P2RY14: variants seen among roughly 807,000 people sequenced by gnomAD.
The protein encoded by P2RY14 is purinergic receptor P2Y14.
A neutral mutation model predicts 0.9 loss-of-function variants in P2RY14; 2 were observed. That is an observed-to-expected ratio of 2.16 (90% CI 0.88 to 6.79). The LOEUF (loss-of-function observed/expected upper bound fraction) is 6.79, where lower values mean the gene tolerates loss of function less well. Among genes scored for constraint, P2RY14 ranks in the 30% most tolerant of loss-of-function variants. The probability of loss-of-function intolerance (pLI) is 0.05; values close to 1 mark genes in which losing one functional copy is unlikely to be tolerated. For synonymous variants in P2RY14, 158 were observed against 147.2 expected, an observed-to-expected ratio of 1.07 and a Z score of -0.53; for missense variants, 378 against 400.1, an observed-to-expected ratio of 0.94 and a Z score of 0.47.
At chr3:151,232,851 C>CA (rs1299636019) in intron 1 of P2RY14, among the ~76,000 whole-genome samples, 2 of 152,036 alleles carry the variant, frequency 1.3e-5, no homozygotes, top group Non-Finnish European at 2.9e-5. Flanking sequence ...TAGTACCTGA[C>CA]AAAAAAATCT....
intron 1 of P2RY14, among the ~76,000 whole-genome samples, chr3:151,271,362 T>C (rs757502417): frequency 6.6e-6 from 1 of 152,196 alleles, no homozygotes; most frequent in Non-Finnish European, 1.5e-5. Flanking sequence ...ATGTTAAGAA[T>C]TGACGAGGAA....
At chr3:151,266,373 T>C (rs546224953) in intron 1 of P2RY14, among the ~76,000 whole-genome samples, 1 of 152,352 alleles carries the variant, frequency 6.6e-6, no homozygotes, top group East Asian at 1.9e-4. Context: ...GAAGAGACTT[T>C]TAGGATCACA....
chr3:151,219,888 A>G (rs1383133835), intron 1 of P2RY14, among the ~76,000 whole-genome samples: 1 of 50,960 alleles, frequency 2.0e-5, no homozygotes, highest in African/African-American at 8.8e-5. Flanking sequence ...ATTGGTTTAT[A>G]TTACCCCCCC....
chr3:151,223,844 AAAAAG>A (rs1233125133), intron 1 of P2RY14, among the ~76,000 whole-genome samples: 3 of 152,226 alleles, frequency 2.0e-5, no homozygotes, highest in African/African-American at 7.2e-5. Context: ...CCTAAAAGAA[AAAAAG>A]AAAAGAACAT....
At chr3:151,246,750 A>G (rs1209405950) in intron 1 of P2RY14, among the ~76,000 whole-genome samples, 1 of 152,230 alleles carries the variant, frequency 6.6e-6, no homozygotes, top group Non-Finnish European at 1.5e-5. Context: ...CAATGGCCAC[A>G]AAAGCCAAAA....
Position 151,232,132 on chromosome 3 carries a change from G to T in P2RY14, c.-132-12490C>A, listed in dbSNP as rs1258131129. 4.6e-5 allele frequency among the ~76,000 whole-genome samples: 7 copies of T among 152,032 alleles called. 1 individual carries two copies. The highest frequency in any genetic ancestry group is 4.6e-4 in the Admixed American group (7 of 15,256). On this transcript the variant is annotated intron_variant, in intron 1 of 2. Transcript: ENST00000309170. ...CCTTTCCTTCTTACTTTCCTGTGGG[G>T]TCTCCTCTGCCCATCCTTAAAATTG...
At position 151,213,057 on chromosome 3, in the gene P2RY14, G is replaced by T; in HGVS notation, c.*243C>A. On this transcript the variant is annotated 3_prime_UTR_variant, in exon 3 of 3. Coordinates refer to ENST00000309170, the MANE Select transcript of P2RY14 (RefSeq NM_014879.4). Reference sequence around the variant, plus strand: ...TTTAATATAATAGAATTGAATAATTGTATGTATTAATTTTTTATTAATAGA... The same window carrying T: ...TTTAATATAATAGAATTGAATAATTTTATGTATTAATTTTTTATTAATAGA... The T allele has an allele frequency of 3.8e-6, 1 of 265,442 alleles. No individual in the cohort carries two copies. The highest frequency in any genetic ancestry group is 7.0e-6 in the Non-Finnish European group (1 of 143,590). 16.4% of individuals were successfully genotyped at this position (265,442 alleles called of 1,614,324 possible). A position where few individuals can be genotyped will look rare whatever the true frequency, so the allele number is the denominator to read the frequency against.
At chr3:151,259,165 C>G (rs902299434) in intron 1 of P2RY14, among the ~76,000 whole-genome samples, 2 of 152,170 alleles carry the variant, frequency 1.3e-5, no homozygotes, top group Admixed American at 6.5e-5. Flanking sequence ...CATATTTCAA[C>G]TCTTTGTGTT....
Position 151,247,030 on chromosome 3 carries a change from C to A in P2RY14, c.-132-27388G>T, listed in dbSNP as rs1220682118. On this transcript the variant is annotated intron_variant, in intron 1 of 2. Coordinates refer to ENST00000309170, the MANE Select transcript of P2RY14 (RefSeq NM_014879.4). Reference sequence around the variant, plus strand: ...AAACACATGAAAAAATCCTCACTGGCATCAGAGAAATGCAAACCAAAACCA... The same window carrying A: ...AAACACATGAAAAAATCCTCACTGGAATCAGAGAAATGCAAACCAAAACCA... Among the ~76,000 whole-genome samples, 4 of 151,968 alleles carry A rather than the reference C, an allele frequency of 2.6e-5. No homozygotes were observed. The East Asian group carries it at 7.7e-4, about 29-fold the overall frequency.
At chr3:151,233,054 C>T (rs1394279371) in intron 1 of P2RY14, among the ~76,000 whole-genome samples, 2 of 152,224 alleles carry the variant, frequency 1.3e-5, no homozygotes, top group Non-Finnish European at 2.9e-5. Context: ...AAAACACCAA[C>T]ATTGTCCCTG....
intron 1 of P2RY14, among the ~76,000 whole-genome samples, chr3:151,251,507 G>C (rs1736853423): frequency 6.6e-6 from 1 of 152,076 alleles, no homozygotes; most frequent in African/African-American, 2.4e-5. Context: ...ACTCACCCGT[G>C]AGAGGAATCC....
intron 1 of P2RY14, among the ~76,000 whole-genome samples, chr3:151,245,985 CAG>C (rs1260637604): frequency 6.6e-6 from 1 of 150,796 alleles, no homozygotes; most frequent in Non-Finnish European, 1.5e-5. Flanking sequence ...AACAGACAAA[CAG>C]AGAGCCAAAT....
intron 1 of P2RY14, among the ~76,000 whole-genome samples, chr3:151,251,271 C>T (rs2149449938): frequency 6.6e-6 from 1 of 152,318 alleles, no homozygotes; most frequent in African/African-American, 2.4e-5. Flanking sequence ...TCTTCCTACT[C>T]AATGTGTCTC....
At chr3:151,219,848 T>C (rs1364164196) in intron 1 of P2RY14, among the ~76,000 whole-genome samples, 6 of 150,612 alleles carry the variant, frequency 4.0e-5, no homozygotes, top group Non-Finnish European at 8.8e-5. Flanking sequence ...ACTTAAACTC[T>C]GAGAGCTTGG....
In P2RY14 at chr3:151,247,962, C is replaced by CTTTTTTTTTT. The variant is rs61102632; in HGVS notation, c.-132-28330_-132-28321dup. 1.2e-3 allele frequency among the ~76,000 whole-genome samples: 93 copies of CTTTTTTTTTT among 75,888 alleles called. 2 individuals carry two copies. The highest frequency in any genetic ancestry group is 1.5e-3 in the Non-Finnish European group (62 of 40,696). 49.8% of individuals were successfully genotyped at this position (75,888 alleles called of 152,430 possible). A position where few individuals can be genotyped will look rare whatever the true frequency, so the allele number is the denominator to read the frequency against. On this transcript the variant is annotated intron_variant, in intron 1 of 2. Transcript: ENST00000309170. ...GTTTACTTTCTTTCTTCTTCTTCTTCTTTTTTTTTTTTTTTTTTTTTTTGC... is the reference window on the plus strand; with the variant it reads ...GTTTACTTTCTTTCTTCTTCTTCTTCTTTTTTTTTTTTTTTTTTTTTTTTTTTTTTTTTGC...
rs1420862767 is a variant in P2RY14 at position 151,245,876 on chromosome 3, G to T, written c.-132-26234C>A. Among the ~76,000 whole-genome samples, 2 of 151,746 alleles carry T rather than the reference G, an allele frequency of 1.3e-5. 1 individual carries two copies. The highest frequency in any genetic ancestry group is 6.8e-3 in the Middle Eastern group (2 of 294). On this transcript the variant is annotated intron_variant, in intron 1 of 2. Coordinates refer to ENST00000309170, the MANE Select transcript of P2RY14 (RefSeq NM_014879.4). ...GATTGTATATCTAGAAAACCCCATCGTTTCAGCCCAAAATCTCCTTAAGCT... is the reference window on the plus strand; with the variant it reads ...GATTGTATATCTAGAAAACCCCATCTTTTCAGCCCAAAATCTCCTTAAGCT...
intron 1 of P2RY14, among the ~76,000 whole-genome samples, chr3:151,273,294 G>A (rs1201935244): frequency 6.8e-5 from 10 of 146,198 alleles, no homozygotes; most frequent in African/African-American, 2.3e-4. Context: ...GCAGTGGTGC[G>A]ATCTCAGCTC....
chr3:151,222,185 C>T (rs1729499931), intron 1 of P2RY14, among the ~76,000 whole-genome samples: 1 of 152,214 alleles, frequency 6.6e-6, no homozygotes, highest in South Asian at 2.1e-4. Context: ...TGCATTGTAT[C>T]TAGGAAGTAA....
chr3:151,265,067 G>A (rs531361767), intron 1 of P2RY14, among the ~76,000 whole-genome samples: 2 of 152,118 alleles, frequency 1.3e-5, no homozygotes, highest in South Asian at 2.1e-4. Context: ...TCCAGAACTC[G>A]CCATTATGTC....
Sources: gnomAD v4.1 joint callset for allele counts (sites outside exome capture counted in the v4.1 genomes callset) on GRCh38, gnomAD v4.1.1 for gene constraint, MANE v1.5 for transcripts, NCBI Gene and HGNC (gene_info 2026-07-23, HGNC 2026-07-21) for gene names.